SRFBP1: variants seen among roughly 807,000 people sequenced by gnomAD.
SRFBP1 encodes serum response factor-binding protein 1.
Under a neutral mutation model 45.5 loss-of-function variants are expected in SRFBP1, and 47 were observed. The ratio of observed to expected loss-of-function variants is 1.03; its 90% CI spans 0.82 to 1.32. The LOEUF (loss-of-function observed/expected upper bound fraction) is 1.32. Ranked by LOEUF, SRFBP1 falls within the 40% of genes most tolerant of loss-of-function variation. The pLI, the probability that SRFBP1 is intolerant of heterozygous loss-of-function variation, is 0.00. For missense variants in SRFBP1, 621 were observed against 484.6 expected (o/e 1.28, Z -2.64); for synonymous variants, 203 against 166.3 (o/e 1.22, Z -1.70).
chr5:122,053,352 A>G (rs917734403), intron 2 of SRFBP1, among the ~76,000 whole-genome samples: 6 of 152,120 alleles, frequency 3.9e-5, no homozygotes, highest in Admixed American at 3.3e-4. Context: ...GTAGGACTTC[A>G]GAGCCGGAAG....
chr5:122,022,538 T>TC (rs1437546408), intron 7 of SRFBP1, 131 bp downstream of exon 7: 1 of 660,884 alleles, frequency 1.5e-6, no homozygotes, highest in African/African-American at 1.9e-5. Flanking sequence ...TAACAGAGCA[T>TC]CTTACAATTA....
chr5:121,983,594 C>G (rs1019630226), intron 3 of SRFBP1, among the ~76,000 whole-genome samples: 8 of 151,660 alleles, frequency 5.3e-5, no homozygotes, highest in Non-Finnish European at 1.2e-4. Flanking sequence ...TGGTAAGATG[C>G]AGATCATTGT....
chr5:122,069,396 G>C (rs1308981963), intron 2 of SRFBP1, among the ~76,000 whole-genome samples: 2 of 152,104 alleles, frequency 1.3e-5, no homozygotes, highest in African/African-American at 4.8e-5. Flanking sequence ...GGGCAGGACA[G>C]ACAGGCATGC....
At chr5:121,974,064 A>G in intron 1 of SRFBP1, 132 bp from the exon 2 acceptor site, 1 of 575,426 alleles carries the variant, frequency 1.7e-6, no homozygotes, top group Non-Finnish European at 3.1e-6. Context: ...GATTTCATCA[A>G]GCTACGAATA....
intron 4 of SRFBP1, among the ~76,000 whole-genome samples, chr5:122,018,159 C>T (rs1218682811): frequency 3.9e-5 from 6 of 152,134 alleles, no homozygotes; most frequent in Non-Finnish European, 5.9e-5. Context: ...ATGGTATGGG[C>T]TAAGCATCAG....
intron 4 of SRFBP1, among the ~76,000 whole-genome samples, chr5:122,011,371 A>G (rs935095005): frequency 2.6e-4 from 40 of 152,096 alleles, no homozygotes; most frequent in Admixed American, 2.4e-3. Context: ...GTTTCCAGAG[A>G]ATTTTCCATG....
chr5:121,975,614 C>T (rs1342915581), intron 3 of SRFBP1, among the ~76,000 whole-genome samples: 1 of 151,934 alleles, frequency 6.6e-6, no homozygotes, highest in Non-Finnish European at 1.5e-5. Flanking sequence ...TAATTTGAGT[C>T]AAAATTGTGC....
downstream of SRFBP1, chr5:122,076,833 C>T: frequency 1.4e-6 from 2 of 1,467,958 alleles, no homozygotes; most frequent in Non-Finnish European, 1.9e-6. Context: ...CAGAACCAGG[C>T]ACCAGAGCGC....
chr5:122,050,325 C>CTCT (rs1753948017), intron 2 of SRFBP1, among the ~76,000 whole-genome samples: 1 of 152,124 alleles, frequency 6.6e-6, no homozygotes, highest in Admixed American at 6.6e-5. Flanking sequence ...AATGCACCAG[C>CTCT]TCTTCTTTAT....
Position 122,027,398 on chromosome 5 carries a change from A to T in SRFBP1, c.*272A>T. ...TAAGTCTCTTGGGGAGAATTATAGA[A>T]TGTTTGTTTTTGTATTTTTTTTTAA... On this transcript the variant is annotated 3_prime_UTR_variant, in exon 8 of 8. Coordinates refer to ENST00000339397, the MANE Select transcript of SRFBP1 (RefSeq NM_152546.3). The T allele has an allele frequency of 4.6e-6, 1 of 215,764 alleles. No homozygotes were observed. The highest frequency in any genetic ancestry group is 9.1e-6 in the Non-Finnish European group (1 of 110,284). The allele number at this position is 215,764 out of a possible 1,614,324, so 13.4% of individuals were successfully genotyped here.
chr5:122,011,553 C>T (rs949761387), intron 4 of SRFBP1, among the ~76,000 whole-genome samples: 5 of 152,006 alleles, frequency 3.3e-5, no homozygotes, highest in Admixed American at 6.6e-5. Flanking sequence ...ATTTTTATTC[C>T]CTCTATAAAT....
At chr5:122,068,717 G>A (rs748174379) in intron 2 of SRFBP1, among the ~76,000 whole-genome samples, 3 of 151,998 alleles carry the variant, frequency 2.0e-5, no homozygotes, top group Non-Finnish European at 4.4e-5. Flanking sequence ...GTGTAATAAG[G>A]CTACAGCAGT....
intron 3 of SRFBP1, among the ~76,000 whole-genome samples, chr5:121,979,118 A>G (rs575547482): frequency 6.6e-6 from 1 of 152,330 alleles, no homozygotes; most frequent in Admixed American, 6.5e-5. Context: ...TAATCTGTAA[A>G]GGCATAAAAG....
intron 2 of SRFBP1, among the ~76,000 whole-genome samples, chr5:122,041,469 A>T (rs1753772316): frequency 6.6e-6 from 1 of 151,988 alleles, no homozygotes; most frequent in African/African-American, 2.4e-5. Flanking sequence ...AGCTCCTCAT[A>T]TGTTAAAGGA....
rs764120981 is a variant in SRFBP1 at position 121,975,343 on chromosome 5, C to T, written c.154C>T (p.Gln52Ter). The change falls in exon 3 of 8, where the codon CAA becomes TAA. Residue 52 changes from glutamine to a stop codon, truncating the protein, a stop_gained. Transcript: ENST00000339397. LOFTEE classifies it high-confidence loss of function. ...KGTEDALLKN[Q>*]RRAQRLLEEI... ...TACTGAAGATGCACTGTTAAAAAAC[C>T]AAAGACGGGCGCAAAGATTGCTTGA... 1.9e-6 allele frequency: 3 copies of T among 1,613,094 alleles called. No homozygotes were observed. The South Asian group carries it at 3.3e-5, about 18-fold the overall frequency.
Position 122,020,779 on chromosome 5 carries a change from A to G in SRFBP1, c.1044A>G (p.Leu348=). ...RKLESVFFHS[L]SGSKSSRRNF... is the part of the protein sequence containing the mutation. ...TAGAATCAGTGTTTTTCCACTCTTT[A>G]TCTGGATCTAAAAGCTCTAGAAGGT... is the stretch of plus-strand genomic sequence containing the variant. Residue 348 remains leucine, a synonymous_variant, in exon 6 of 8, where the codon TTA becomes TTG. Coordinates refer to ENST00000339397, the MANE Select transcript of SRFBP1 (RefSeq NM_152546.3). 6.3e-7 allele frequency: 1 copy of G among 1,575,824 alleles called. No individual in the cohort carries two copies. The highest frequency in any genetic ancestry group is 8.6e-7 in the Non-Finnish European group (1 of 1,166,728).
downstream of SRFBP1, chr5:122,077,749 T>C: frequency 1.3e-6 from 2 of 1,564,542 alleles, no homozygotes; most frequent in Non-Finnish European, 8.6e-7. The surrounding 1 kb of genome is among the most constrained non-coding windows in gnomAD (Gnocchi z 4.9). Flanking sequence ...AGGCGTTGGC[T>C]GCACCAGGGA....
intron 3 of SRFBP1, among the ~76,000 whole-genome samples, 161 bp downstream of exon 3, chr5:121,975,548 G>C (rs1244319258): frequency 2.6e-5 from 4 of 151,960 alleles, no homozygotes; most frequent in Non-Finnish European, 5.9e-5. Flanking sequence ...TTAGAAAATT[G>C]TAACATTTAA....
chr5:122,031,628 G>GTCAACCATAATTT (rs1175481101), downstream of SRFBP1, among the ~76,000 whole-genome samples: 10 of 152,262 alleles, frequency 6.6e-5, no homozygotes, highest in Non-Finnish European at 1.2e-4. Flanking sequence ...AAAGTCTCAT[G>GTCAACCATAATTT]TCAACCATAA....
Sources: gnomAD v4.1 joint callset for allele counts (sites outside exome capture counted in the v4.1 genomes callset) on GRCh38, gnomAD v4.1.1 for gene constraint, Gnocchi (gnomAD v3.1) non-coding constraint, MANE v1.5 for transcripts, NCBI Gene and HGNC (gene_info 2026-07-23, HGNC 2026-07-21) for gene names.